CDH12: variants seen among roughly 807,000 people sequenced by gnomAD.
CDH12 encodes cadherin 12, also known as cadherin-12.
In CDH12, 41 loss-of-function variants were observed where a neutral mutation model predicts 74.1. That is an observed-to-expected ratio of 0.55 (90% CI 0.43 to 0.72). The LOEUF is 0.72. CDH12 is among the 30% of genes least tolerant of loss of function. CDH12 has a pLI of 0.00. For synonymous variants in CDH12, 399 were observed against 355.0 expected (o/e 1.12, Z -1.39); for missense variants, 945 against 977.2 (o/e 0.97, Z 0.44).
chr5:22,368,906 A>G (rs1189968659), intron 3 of CDH12, among the ~76,000 whole-genome samples: 1 of 152,096 alleles, frequency 6.6e-6, no homozygotes, highest in Non-Finnish European at 1.5e-5. Flanking sequence ...AGGTGGGCAG[A>G]TCACTTGAGG....
At chr5:22,672,945 G>C (rs1440916009) in intron 1 of CDH12, among the ~76,000 whole-genome samples, 1 of 152,040 alleles carries the variant, frequency 6.6e-6, no homozygotes, top group African/African-American at 2.4e-5. Flanking sequence ...TCATTGCTGA[G>C]CGCTGCCTAA....
chr5:22,727,218 G>A (rs1190972717), intron 1 of CDH12, among the ~76,000 whole-genome samples: 1 of 151,780 alleles, frequency 6.6e-6, no homozygotes, highest in African/African-American at 2.4e-5. Flanking sequence ...TATCATGAAT[G>A]TTTCTACCAG....
intron 2 of CDH12, among the ~76,000 whole-genome samples, chr5:22,461,470 G>GT (rs1473570311): frequency 1.4e-5 from 2 of 145,188 alleles, no homozygotes; most frequent in African/African-American, 5.2e-5. Flanking sequence ...GTTATCTATA[G>GT]TTAAAAAAAA....
intron 13 of CDH12, among the ~76,000 whole-genome samples, chr5:21,758,043 T>C (rs1609715): frequency 0.24 from 36,847 of 152,074 alleles, 4,703 homozygotes; most frequent in East Asian, 0.39. Flanking sequence ...AATATGAATA[T>C]GTTATATTCT....
At position 22,472,275 on chromosome 5, in the gene CDH12, A is replaced by T. The variant is rs113678300; in HGVS notation, c.-428+32995T>A. Among the ~76,000 whole-genome samples, 935 of 152,250 alleles carry T rather than the reference A, an allele frequency of 6.1e-3. 11 individuals carry two copies. The highest frequency in any genetic ancestry group is 0.021 in the African/African-American group (866 of 41,554). On this transcript the variant is annotated intron_variant, in intron 2 of 14. Transcript: ENST00000382254. ...AGAATGCCCAGAGAAGCCTGACTAA[A>T]CTTTAGTCAATGAGAGAGTTTTTGC... is the stretch of plus-strand genomic sequence containing the variant.
At chr5:22,600,788 G>A (rs942949361) in intron 1 of CDH12, among the ~76,000 whole-genome samples, 1 of 151,804 alleles carries the variant, frequency 6.6e-6, no homozygotes, top group African/African-American at 2.4e-5. Context: ...TAAGCTGAGG[G>A]TCCATTTTGG....
At chr5:22,006,301 G>C (rs1000726797) in intron 5 of CDH12, among the ~76,000 whole-genome samples, 6 of 152,000 alleles carry the variant, frequency 3.9e-5, no homozygotes, top group Admixed American at 3.9e-4. Context: ...TTACAGGCAT[G>C]AGACACTGTG....
At position 22,657,499 on chromosome 5, in the gene CDH12, TTTACA is replaced by T. The variant is rs554726703; in HGVS notation, c.-522-152140_-522-152136del. Among the ~76,000 whole-genome samples the T allele has an allele frequency of 5.9e-5, 9 of 152,280 alleles. No homozygotes were observed. The South Asian group carries it at 1.9e-3, about 32-fold the overall frequency. ...CATTGGTTTTTCTTACGACACACAA[TTTACA>T]TTACTTACTACTGAAGCCCTCCGTG... On this transcript the variant is annotated intron_variant, in intron 1 of 14. Coordinates refer to ENST00000382254, the MANE Select transcript of CDH12 (RefSeq NM_004061.5).
At chr5:21,829,544 T>A (rs1229159650) in intron 8 of CDH12, among the ~76,000 whole-genome samples, 1 of 152,214 alleles carries the variant, frequency 6.6e-6, no homozygotes, top group Non-Finnish European at 1.5e-5. Flanking sequence ...TTCATGGTTT[T>A]TAGTATTGCT....
At chr5:21,994,682 A>G (rs1736164863) in intron 5 of CDH12, among the ~76,000 whole-genome samples, 1 of 152,302 alleles carries the variant, frequency 6.6e-6, no homozygotes, top group East Asian at 1.9e-4. Context: ...TTCTTCTACT[A>G]GGTCAAAGTG....
At chr5:22,529,182 T>TAG (rs1436893052) in intron 1 of CDH12, among the ~76,000 whole-genome samples, 131 of 96,780 alleles carry the variant, frequency 1.4e-3, no homozygotes, top group South Asian at 3.4e-3. Flanking sequence ...TATATATATA[T>TAG]ATATATAGAG....
intron 11 of CDH12, among the ~76,000 whole-genome samples, chr5:21,777,324 G>C (rs957344905): frequency 6.6e-6 from 1 of 151,920 alleles, no homozygotes; most frequent in Non-Finnish European, 1.5e-5. Flanking sequence ...TCTATTCTGA[G>C]TCTCTGTTTT....
chr5:22,515,829 T>C lies in CDH12; in HGVS notation c.-522-10465A>G, dbSNP rs185440206. Among the ~76,000 whole-genome samples the C allele has an allele frequency of 7.2e-5, 11 of 152,252 alleles. No homozygotes were observed. In the East Asian group the frequency reaches 2.1e-3, roughly 29 times the overall value. ...GATACAAAATATAGTAAAATATTTT[T>C]ATCAACTTGGAGTAGAAAATGTTAG... On this transcript the variant is annotated intron_variant, in intron 1 of 14. Transcript: ENST00000382254.
intron 3 of CDH12, among the ~76,000 whole-genome samples, chr5:22,348,460 C>T (rs1740219147): frequency 6.6e-6 from 1 of 152,090 alleles, no homozygotes; most frequent in African/African-American, 2.4e-5. Flanking sequence ...ATTCAGTCCA[C>T]TAGTTAAAGC....
In CDH12 at chr5:22,303,625, A is replaced by G. The variant is rs1182044465; in HGVS notation, c.-332-90982T>C. Among the ~76,000 whole-genome samples, 4 of 152,186 alleles carry G rather than the reference A, an allele frequency of 2.6e-5. No homozygotes were observed. In the East Asian group the frequency reaches 7.7e-4, roughly 29 times the overall value. On this transcript the variant is annotated intron_variant, in intron 3 of 14. Transcript: ENST00000382254. ...AAGGCCAATGTTAGTTCATTTAAGCAATGAAATAAACTAATATCCTCATTA... is the reference window on the plus strand; with the variant it reads ...AAGGCCAATGTTAGTTCATTTAAGCGATGAAATAAACTAATATCCTCATTA...
chr5:22,571,331 C>CTT (rs534894225), intron 1 of CDH12, among the ~76,000 whole-genome samples: 1 of 145,546 alleles, frequency 6.9e-6, no homozygotes, highest in South Asian at 2.2e-4. Context: ...TCTAACTTTT[C>CTT]TTTTTTTTTT....
chr5:21,874,309 C>T (rs2150023306), intron 6 of CDH12, among the ~76,000 whole-genome samples: 1 of 152,234 alleles, frequency 6.6e-6, no homozygotes, highest in South Asian at 2.1e-4. Context: ...CAAATCAAAA[C>T]TGAGAGACAC....
intron 1 of CDH12, among the ~76,000 whole-genome samples, chr5:22,799,466 TG>T (rs1010732062): frequency 9.2e-5 from 14 of 152,330 alleles, no homozygotes; most frequent in African/African-American, 3.4e-4. Context: ...ATTAAAAATG[TG>T]TGTTTTTATT....
At chr5:22,141,839 C>A (rs1746817470) in intron 4 of CDH12, among the ~76,000 whole-genome samples, 1 of 152,126 alleles carries the variant, frequency 6.6e-6, no homozygotes, top group East Asian at 1.9e-4. Flanking sequence ...AGGTACTAAT[C>A]ATTAAGTTTC....
Sources: allele counts gnomAD v4.1 joint callset (sites outside exome capture counted in the v4.1 genomes callset), GRCh38; gene constraint gnomAD v4.1.1; transcripts MANE v1.5; gene names NCBI Gene and HGNC (gene_info 2026-07-23, HGNC 2026-07-21).